Variants in CACNA2D4 observed in about 807,000 individuals in gnomAD.
CACNA2D4 encodes calcium voltage-gated channel auxiliary subunit alpha2delta 4.
In CACNA2D4, 157 loss-of-function variants were observed where a neutral mutation model predicts 163.8. The ratio of observed to expected loss-of-function variants is 0.96; its 90% CI spans 0.84 to 1.09. CACNA2D4 has a LOEUF of 1.09. CACNA2D4 is among the 50% of genes least tolerant of loss of function. CACNA2D4 has a pLI of 0.00. For synonymous variants in CACNA2D4, 598 were observed against 586.9 expected, an observed-to-expected ratio of 1.02 and a Z score of -0.27; for missense variants, 1,410 against 1,479.9, an observed-to-expected ratio of 0.95 and a Z score of 0.78.
chr12:1,908,180 C>A, intron 4 of CACNA2D4, 143 bp from the exon 5 acceptor site: 1 of 826,802 alleles, frequency 1.2e-6, no homozygotes, highest in Non-Finnish European at 1.9e-6. Flanking sequence ...CGCGGCGGCG[C>A]GCTGGGCACT....
intron 32 of CACNA2D4, 86 bp from the exon 33 acceptor site, chr12:1,800,138 C>T (rs945430394): frequency 3.1e-5 from 41 of 1,327,096 alleles, no homozygotes; most frequent in Non-Finnish European, 3.7e-5. Flanking sequence ...TGACAGCCCC[C>T]GGCCCATCCC....
intron 29 of CACNA2D4, among the ~76,000 whole-genome samples, chr12:1,801,901 G>A (rs796996677): frequency 9.2e-5 from 14 of 152,170 alleles, no homozygotes; most frequent in East Asian, 1.9e-4. Flanking sequence ...TGAGACCAAC[G>A]TAGAGGCTGC....
In CACNA2D4 at chr12:1,828,161, G is replaced by C. The variant is rs752381627; in HGVS notation, c.2551+12578C>G. 6.5e-7 allele frequency: 1 copy of C among 1,543,952 alleles called. No individual in the cohort carries two copies. The highest frequency in any genetic ancestry group is 1.4e-5 in the African/African-American group (1 of 72,874). On this transcript the variant is annotated intron_variant, in intron 26 of 37. Coordinates refer to ENST00000382722, the MANE Select transcript of CACNA2D4 (RefSeq NM_172364.5). The surrounding 1 kb of genome is among the most constrained non-coding windows in gnomAD (Gnocchi z 4.2). ...CGTGGGCCTCACCATGCTGGCGCCG[G>C]GCAGCAGCCCTGGGCAGAGGGGCAG...
Position 1,828,742 on chromosome 12 carries a change from G to A in CACNA2D4, c.2551+11997C>T, listed in dbSNP as rs149092225. ...AGGACCTAGTGGGCTCGTGGGATGC[G>A]GCGCTGGAAGAGACTTTGGGGAGTG... is the stretch of plus-strand genomic sequence containing the variant. On this transcript the variant is annotated intron_variant, in intron 26 of 37. Transcript: ENST00000382722. This position sits in a 1 kb window ranked among gnomAD's most constrained non-coding sequence, Gnocchi z 4.2. Among the ~76,000 whole-genome samples, 265 of 152,336 alleles carry A rather than the reference G, an allele frequency of 1.7e-3. No homozygotes were observed. Among genetic ancestry groups the A allele is most frequent in the Non-Finnish European group, 3.0e-3 (203 of 68,030 alleles).
intron 11 of CACNA2D4, 128 bp from the exon 12 acceptor site, chr12:1,884,449 CCT>C (rs1010719634): frequency 1.6e-5 from 12 of 756,642 alleles, no homozygotes; most frequent in Middle Eastern, 2.3e-4. Flanking sequence ...AATTTCACCC[CCT>C]GAGGCCCAGG....
chr12:1,845,511 T>A (rs1176565725), intron 24 of CACNA2D4, among the ~76,000 whole-genome samples: 1 of 152,124 alleles, frequency 6.6e-6, no homozygotes, highest in Non-Finnish European at 1.5e-5. Flanking sequence ...AGCTCAAAGA[T>A]GGCGCTCCGT....
intron 14 of CACNA2D4, 105 bp from the exon 15 acceptor site, chr12:1,879,141 C>T: frequency 1.3e-6 from 1 of 796,266 alleles, no homozygotes; most frequent in Non-Finnish European, 2.1e-6. Flanking sequence ...GCCACTTAGG[C>T]TTTAAGTGGT....
chr12:1,875,039 T>A lies in CACNA2D4; in HGVS notation c.1806+212A>T, dbSNP rs1349240584. On this transcript the variant is annotated intron_variant, in intron 17 of 37. Transcript: ENST00000382722. The surrounding 1 kb of genome is among the most constrained non-coding windows in gnomAD (Gnocchi z 4.0). Reference sequence around the variant, plus strand: ...TCTCATCCAGCCTCAGTAGTCCTTGTGATTCAAGAAGATATTGTTATATTT... The same window carrying A: ...TCTCATCCAGCCTCAGTAGTCCTTGAGATTCAAGAAGATATTGTTATATTT... Among the ~76,000 whole-genome samples, 1 of 152,248 alleles carries A rather than the reference T, an allele frequency of 6.6e-6. No individual in the cohort carries two copies. The highest frequency in any genetic ancestry group is 1.5e-5 in the Non-Finnish European group (1 of 68,046).
rs1865863495 is a variant in CACNA2D4 at position 1,875,453 on chromosome 12, C to A, written c.1720-116G>T. 1.4e-6 allele frequency: 1 copy of A among 710,556 alleles called. No individual in the cohort carries two copies. The highest frequency in any genetic ancestry group is 2.1e-5 in the Admixed American group (1 of 47,904). The allele number at this position is 710,556 out of a possible 1,614,324, so 44.0% of individuals were successfully genotyped here. On this transcript the variant is annotated intron_variant, in intron 16 of 37. Coordinates refer to ENST00000382722, the MANE Select transcript of CACNA2D4 (RefSeq NM_172364.5). The surrounding 1 kb of genome is among the most constrained non-coding windows in gnomAD (Gnocchi z 4.0). ...TAAAAGCAAAGGATTCCTTAGAAAT[C>A]AATCAATCCAGTAATTACTTAAGGT...
chr12:1,878,974 C>T lies in CACNA2D4; in HGVS notation c.1626G>A (p.Lys542=). 1 of 1,613,904 alleles carries T rather than the reference C, an allele frequency of 6.2e-7. No individual in the cohort carries two copies. The highest frequency in any genetic ancestry group is 8.5e-7 in the Non-Finnish European group (1 of 1,179,854). Residue 542 remains lysine (K), a synonymous_variant, in exon 15 of 38, where the codon AAG becomes AAA. Coordinates refer to ENST00000382722, the MANE Select transcript of CACNA2D4 (RefSeq NM_172364.5). The surrounding 1 kb of genome is among the most constrained non-coding windows in gnomAD (Gnocchi z 4.6). ...GGCTCACCTTGTACCGGGGCGCCAG[C>T]TTCATCAGCTCTCTCAGGGCCACAT... ...GSDVALRELM[K]LAPRYKLGVH... is the part of the protein sequence containing the mutation.
In CACNA2D4 at chr12:1,907,548, A is replaced by G. The variant is rs771397771; in HGVS notation, c.673T>C (p.Tyr225His). The change falls in exon 6 of 38, where the codon TAC becomes CAC. Residue 225 changes from tyrosine (Y) to histidine (H), a missense_variant. Physicochemically the swap from Tyr to His is moderately conservative, Grantham distance 83 (BLOSUM62 2). Coordinates refer to ENST00000382722, the MANE Select transcript of CACNA2D4 (RefSeq NM_172364.5). ...NKDPDILNGV[Y>H]MSEALNAVFV... The stretch of plus-strand genomic sequence containing the variant: ...ACAGCATTCAAGGCTTCAGACATGT[A>G]GACTCCATTTAAAATATCTGGGTCT... The G allele has an allele frequency of 1.2e-6, 2 of 1,613,180 alleles. No individual in the cohort carries two copies. Among genetic ancestry groups the G allele is most frequent in the Non-Finnish European group, 8.5e-7 (1 of 1,179,300 alleles).
intron 30 of CACNA2D4, 81 bp from the exon 31 acceptor site, chr12:1,801,199 G>C (rs1863311894): frequency 8.4e-7 from 1 of 1,189,046 alleles, no homozygotes; most frequent in African/African-American, 1.5e-5. Context: ...TACTAGCAGA[G>C]CATCCGTTTA....
intron 24 of CACNA2D4, among the ~76,000 whole-genome samples, chr12:1,845,352 G>A (rs1592706584): frequency 6.6e-6 from 1 of 150,736 alleles, no homozygotes; most frequent in East Asian, 2.0e-4. Context: ...GGGAGGCAGT[G>A]GTGCTCTGCC....
rs77083083 is a variant in CACNA2D4, at chr12:1,885,195, C to T, written c.1069-119G>A. 2.2e-3 allele frequency: 1,762 copies of T among 811,334 alleles called. 18 individuals are homozygous for T. The African/African-American group carries it at 0.026, about 12-fold the overall frequency. The allele number at this position is 811,334 out of a possible 1,614,324, so 50.3% of individuals were successfully genotyped here. On this transcript the variant is annotated intron_variant, in intron 9 of 37. Transcript: ENST00000382722. The stretch of plus-strand genomic sequence containing the variant: ...ATCCAGAAGGACATGATTTCAGGGC[C>T]TGTGTCTCCATGATGCAGTTCATGG...
chr12:1,817,690 T>G (rs577543699), intron 26 of CACNA2D4, among the ~76,000 whole-genome samples: 1 of 152,288 alleles, frequency 6.6e-6, no homozygotes, highest in Admixed American at 6.5e-5. Flanking sequence ...TTCGCTGTGT[T>G]GGCCGGGCTG....
In CACNA2D4 at chr12:1,828,157, G is replaced by A. The variant is rs553793899; in HGVS notation, c.2551+12582C>T. On this transcript the variant is annotated intron_variant, in intron 26 of 37. Transcript: ENST00000382722. This position sits in a 1 kb window ranked among gnomAD's most constrained non-coding sequence, Gnocchi z 4.2. ...GAGCCGTGGGCCTCACCATGCTGGC[G>A]CCGGGCAGCAGCCCTGGGCAGAGGG... The A allele has an allele frequency of 9.3e-5, 143 of 1,542,840 alleles. No homozygotes were observed. The Admixed American group carries it at 1.1e-3, about 11-fold the overall frequency.
rs187183547 is a variant in CACNA2D4, at chr12:1,916,500, A to G, written c.228-1565T>C. On this transcript the variant is annotated intron_variant, in intron 1 of 37. Coordinates refer to ENST00000382722, the MANE Select transcript of CACNA2D4 (RefSeq NM_172364.5). ...ATTCTGAGGGCAGGAGGGCTCTCTC[A>G]AGGAGAGTGTGCAGCGTGAGATCTC... Among the ~76,000 whole-genome samples the G allele has an allele frequency of 2.6e-5, 4 of 152,272 alleles. No individual in the cohort carries two copies. The East Asian group carries it at 7.7e-4, about 29-fold the overall frequency.
rs891574964 is a variant in CACNA2D4, at chr12:1,869,378, A to T, written c.1878+5226T>A. Among the ~76,000 whole-genome samples, 1 of 152,238 alleles carries T rather than the reference A, an allele frequency of 6.6e-6. No homozygotes were observed. The highest frequency in any genetic ancestry group is 2.4e-5 in the African/African-American group (1 of 41,456). On this transcript the variant is annotated intron_variant, in intron 18 of 37. Coordinates refer to ENST00000382722, the MANE Select transcript of CACNA2D4 (RefSeq NM_172364.5). The surrounding 1 kb of genome is among the most constrained non-coding windows in gnomAD (Gnocchi z 4.7). Reference sequence around the variant, plus strand: ...AGGCATGGGCCGAAGCCAGATTCAAAGCCACCCGCTGCTGCTGGCTCTCCT... The same window carrying T: ...AGGCATGGGCCGAAGCCAGATTCAATGCCACCCGCTGCTGCTGGCTCTCCT...
rs994378515 is a variant in CACNA2D4 at position 1,798,197 on chromosome 12, A to C, written c.2996-662T>G. ...AACCAAAGGTGGAGGCGAGTGCCTC[A>C]GCCCCGCTCTGCAGGACCCGAGTCC... is the stretch of plus-strand genomic sequence containing the variant. On this transcript the variant is annotated intron_variant, in intron 34 of 37. Transcript: ENST00000382722. The surrounding 1 kb of genome is among the most constrained non-coding windows in gnomAD (Gnocchi z 4.3). Among the ~76,000 whole-genome samples, 1 of 152,184 alleles carries C rather than the reference A, an allele frequency of 6.6e-6. No homozygotes were observed. Among genetic ancestry groups the C allele is most frequent in the African/African-American group, 2.4e-5 (1 of 41,444 alleles).
Sources: gnomAD v4.1 joint callset for allele counts (sites outside exome capture counted in the v4.1 genomes callset) on GRCh38, gnomAD v4.1.1 for gene constraint, Gnocchi (gnomAD v3.1) non-coding constraint, MANE v1.5 for transcripts, NCBI Gene and HGNC (gene_info 2026-07-23, HGNC 2026-07-21) for gene names.